The following RRM2 variants were observed in gnomAD, a reference collection of about 807,000 sequenced individuals.
The protein encoded by RRM2 is ribonucleotide reductase regulatory subunit M2.
In RRM2, 6 loss-of-function variants were observed where a neutral mutation model predicts 45.9. That is an observed-to-expected ratio of 0.13 (90% confidence interval 0.07 to 0.26). The LOEUF is 0.26. Among genes scored for constraint, RRM2 ranks in the 10% least tolerant of loss-of-function variants. RRM2 has a pLI of 1.00. For missense variants in RRM2, 343 were observed against 489.5 expected, an observed-to-expected ratio of 0.70 and a Z score of 2.82; for synonymous variants, 177 against 173.0, an observed-to-expected ratio of 1.02 and a Z score of -0.18.
chr2:10,135,481 G>C (rs975661106), downstream of RRM2, among the ~76,000 whole-genome samples: 6 of 152,116 alleles, frequency 3.9e-5, no homozygotes, highest in Non-Finnish European at 7.4e-5. Context: ...TAGGGGCCCT[G>C]GTGGGGGAGG....
intron 3 of RRM2, among the ~76,000 whole-genome samples, chr2:10,156,836 C>T (rs994179518): frequency 5.9e-5 from 9 of 151,870 alleles, no homozygotes; most frequent in Non-Finnish European, 1.0e-4. Flanking sequence ...GACAGGGTTT[C>T]GCTATGCTGC....
At chr2:10,142,378 G>A (rs766837325) in intron 3 of RRM2, 147 of 1,370,696 alleles carry the variant, frequency 1.1e-4, no homozygotes, top group Non-Finnish European at 1.3e-4. Context: ...GCTTTCAGGT[G>A]AGAAATGATG....
At chr2:10,145,360 T>C (rs148386027) in intron 3 of RRM2, among the ~76,000 whole-genome samples, 4 of 152,214 alleles carry the variant, frequency 2.6e-5, no homozygotes, top group African/African-American at 9.6e-5. Context: ...AGAGACCTAG[T>C]GTGCACACTC....
At chr2:10,210,754 G>C in exon 4 of RRM2, 1 of 508,012 alleles carries the variant, frequency 2.0e-6, no homozygotes, top group Non-Finnish European at 3.2e-6. Flanking sequence ...TGTCCCCTGG[G>C]TTCATATGTT....
intron 3 of RRM2, among the ~76,000 whole-genome samples, chr2:10,207,615 C>A (rs1427299953): frequency 6.6e-6 from 1 of 152,156 alleles, no homozygotes; most frequent in Non-Finnish European, 1.5e-5. Context: ...CTTGTCTGTG[C>A]TGTTTTCACT....
At chr2:10,173,418 T>TC (rs1194075387) in intron 3 of RRM2, among the ~76,000 whole-genome samples, 3 of 152,256 alleles carry the variant, frequency 2.0e-5, no homozygotes, top group African/African-American at 7.2e-5. Context: ...CGTTGGCCAG[T>TC]CACCCAAGAA....
At chr2:10,189,453 G>A (rs140572370) in intron 3 of RRM2, among the ~76,000 whole-genome samples, 2 of 152,360 alleles carry the variant, frequency 1.3e-5, no homozygotes, top group East Asian at 3.9e-4. Flanking sequence ...ACGCTTGGAG[G>A]TGATGGTATT....
chr2:10,209,097 C>A (rs112465225), intron 3 of RRM2, among the ~76,000 whole-genome samples: 1 of 140,120 alleles, frequency 7.1e-6, no homozygotes, highest in Non-Finnish European at 1.6e-5. Flanking sequence ...ATTCCATCGA[C>A]CAGGGCCTGG....
chr2:10,144,621 T>A (rs1309806375), intron 3 of RRM2, among the ~76,000 whole-genome samples: 3 of 152,216 alleles, frequency 2.0e-5, no homozygotes, highest in African/African-American at 7.2e-5. Flanking sequence ...TTCCTATTTT[T>A]AATAGCCAAG....
At chr2:10,164,986 C>T (rs969415418) in intron 3 of RRM2, among the ~76,000 whole-genome samples, 4 of 152,222 alleles carry the variant, frequency 2.6e-5, no homozygotes, top group Admixed American at 6.5e-5. Context: ...GAGGGGACCC[C>T]GCTTTACTCT....
downstream of RRM2, among the ~76,000 whole-genome samples, chr2:10,133,314 T>C (rs747962472): frequency 6.6e-6 from 1 of 152,224 alleles, no homozygotes; most frequent in Admixed American, 6.5e-5. Flanking sequence ...CCAGCTGCAG[T>C]GGCCAGGCCT....
intron 3 of RRM2, among the ~76,000 whole-genome samples, chr2:10,209,796 C>T (rs538992717): frequency 2.0e-5 from 3 of 152,328 alleles, no homozygotes; most frequent in South Asian, 2.1e-4. Flanking sequence ...CTCAGTGAAT[C>T]GGTGCTTTGA....
rs186733601 is a variant in RRM2 at position 10,200,582 on chromosome 2, G to C, written n.483-9729G>C. On this transcript the variant is annotated intron_variant and non_coding_transcript_variant, in intron 3 of 3. Transcript: ENST00000381786. Reference sequence around the variant, plus strand: ...GCGCGCAAAATATGAGGCCCACAGGGACCGCGCGCGCAAAATATGAGGCCC... The same window carrying C: ...GCGCGCAAAATATGAGGCCCACAGGCACCGCGCGCGCAAAATATGAGGCCC... 9.1e-3 allele frequency among the ~76,000 whole-genome samples: 188 copies of C among 20,630 alleles called. 54 individuals carry two copies. The highest frequency in any genetic ancestry group is 0.012 in the African/African-American group (113 of 9,508). The allele number at this position is 20,630 out of a possible 152,430, so 13.5% of individuals were successfully genotyped here.
chr2:10,187,513 T>C (rs1664193861), intron 3 of RRM2, among the ~76,000 whole-genome samples: 1 of 152,118 alleles, frequency 6.6e-6, no homozygotes, highest in South Asian at 2.1e-4. Flanking sequence ...GCAGTGGCCC[T>C]GGGGGAGATG....
chr2:10,133,097 T>C (rs1026485187), downstream of RRM2, among the ~76,000 whole-genome samples: 2 of 152,216 alleles, frequency 1.3e-5, no homozygotes, highest in East Asian at 3.9e-4. Context: ...GATAGACTCC[T>C]GACATAAAGT....
chr2:10,199,746 C>T (rs1327796529), intron 3 of RRM2, among the ~76,000 whole-genome samples: 22 of 122,638 alleles, frequency 1.8e-4, no homozygotes, highest in Non-Finnish European at 3.3e-4. Flanking sequence ...TGCCACTGCA[C>T]TCCAGTCTGG....
intron 3 of RRM2, among the ~76,000 whole-genome samples, chr2:10,162,701 G>A (rs1387224708): frequency 2.8e-5 from 3 of 105,472 alleles, no homozygotes; most frequent in Non-Finnish European, 3.8e-5. Flanking sequence ...CCCCCCTGCC[G>A]AGGCCTGGGG....
At chr2:10,154,252 T>A (rs909157810) in intron 3 of RRM2, among the ~76,000 whole-genome samples, 3 of 152,090 alleles carry the variant, frequency 2.0e-5, no homozygotes, top group Non-Finnish European at 4.4e-5. Context: ...GGCGGGCAGA[T>A]CGCTTGAGGT....
intron 3 of RRM2, among the ~76,000 whole-genome samples, chr2:10,189,941 A>G (rs1247227522): frequency 2.0e-5 from 3 of 152,040 alleles, no homozygotes; most frequent in Non-Finnish European, 4.4e-5. Flanking sequence ...TGATGGTGAT[A>G]GTGATAATGG....
Sources: allele counts gnomAD v4.1 joint callset (sites outside exome capture counted in the v4.1 genomes callset), GRCh38; gene constraint gnomAD v4.1.1; transcripts MANE v1.5; gene names NCBI Gene and HGNC (gene_info 2026-07-23, HGNC 2026-07-21).